Variants in PCDHA12 observed in about 807,000 individuals in gnomAD.
The protein encoded by PCDHA12 is protocadherin alpha 12.
A neutral mutation model predicts 60.0 loss-of-function variants in PCDHA12; 44 were observed. That is an observed-to-expected ratio of 0.73 (90% CI 0.58 to 0.94). The LOEUF is 0.94. Ranked by LOEUF, PCDHA12 falls within the 40% of genes least tolerant of loss-of-function variation. The pLI is 0.00. For synonymous variants in PCDHA12, 569 were observed against 553.0 expected (o/e 1.03, Z -0.40); for missense variants, 1,276 against 1,239.7 (o/e 1.03, Z -0.44).
intron 1 of PCDHA12, among the ~76,000 whole-genome samples, chr5:140,924,127 A>G (rs2081688492): frequency 6.6e-6 from 1 of 152,252 alleles, no homozygotes; most frequent in African/African-American, 2.4e-5. Flanking sequence ...CTTGCTTAGC[A>G]GCATTAATTT....
chr5:140,932,406 T>C (rs1235222855), intron 1 of PCDHA12, among the ~76,000 whole-genome samples: 1 of 151,924 alleles, frequency 6.6e-6, no homozygotes, highest in East Asian at 1.9e-4. Flanking sequence ...CATACCAATG[T>C]TATATTAGTG....
At chr5:141,004,258 A>C (rs1164603441) in intron 3 of PCDHA12, among the ~76,000 whole-genome samples, 1 of 152,232 alleles carries the variant, frequency 6.6e-6, no homozygotes, top group Non-Finnish European at 1.5e-5. Flanking sequence ...TTTTACTGGA[A>C]TGAGTCACAG....
At chr5:140,912,865 A>G (rs1554195582) in intron 1 of PCDHA12, among the ~76,000 whole-genome samples, 1 of 152,138 alleles carries the variant, frequency 6.6e-6, no homozygotes, top group East Asian at 1.9e-4. Flanking sequence ...GAAATGATAT[A>G]TGGTTTTTGG....
chr5:140,886,698 C>T (rs578140955), intron 1 of PCDHA12, among the ~76,000 whole-genome samples: 5 of 151,938 alleles, frequency 3.3e-5, no homozygotes, highest in East Asian at 2.0e-4. Flanking sequence ...TGGTGGCACG[C>T]GCCTGTAATC....
At position 140,993,462 on chromosome 5, in the gene PCDHA12, TCACACACACACACACACACA is replaced by T. The variant is rs3836747; in HGVS notation, c.2515+10927_2515+10946del. ...CATTCCTGTTCTCCTTCTTTCTTTC[TCACACACACACACACACACA>T]CACACACACACACACACACACACAC... On this transcript the variant is annotated intron_variant, in intron 3 of 3. Coordinates refer to ENST00000398631, the MANE Select transcript of PCDHA12 (RefSeq NM_018903.4). Among the ~76,000 whole-genome samples the T allele has an allele frequency of 7.1e-5, 10 of 141,044 alleles. No individual in the cohort carries two copies. In the South Asian group the frequency reaches 9.5e-4, roughly 13 times the overall value. The allele number at this position is 141,044 out of a possible 152,430, so 92.5% of individuals were successfully genotyped here.
chr5:140,926,629 G>C, intron 1 of PCDHA12: 1 of 406,364 alleles, frequency 2.5e-6, no homozygotes, highest in Non-Finnish European at 4.2e-6. Flanking sequence ...GCGGCGCTGC[G>C]CTCCTCAACA....
chr5:140,883,966 G>A, intron 1 of PCDHA12: 1 of 1,613,094 alleles, frequency 6.2e-7, no homozygotes. Flanking sequence ...CGGCGCTGCT[G>A]ACGCCCGGGG....
rs782194896 is a variant in PCDHA12 at position 140,992,662 on chromosome 5, G to A, written c.2515+10099G>A. Among the ~76,000 whole-genome samples, 4 of 152,160 alleles carry A rather than the reference G, an allele frequency of 2.6e-5. 1 individual carries two copies. The highest frequency in any genetic ancestry group is 5.9e-5 in the Non-Finnish European group (4 of 68,028). ...GAAAATAGAAGAAAGAGCCTGATTGGTGTGTATGTGTGTGTTAGGGGTTGA... is the reference window on the plus strand; with the variant it reads ...GAAAATAGAAGAAAGAGCCTGATTGATGTGTATGTGTGTGTTAGGGGTTGA... On this transcript the variant is annotated intron_variant, in intron 3 of 3. Transcript: ENST00000398631.
chr5:140,901,092 T>C (rs1374524038), intron 1 of PCDHA12, among the ~76,000 whole-genome samples: 5 of 152,228 alleles, frequency 3.3e-5, no homozygotes, highest in African/African-American at 1.2e-4. Context: ...TTGAGCTCCT[T>C]CTACATTCTG....
intron 1 of PCDHA12, among the ~76,000 whole-genome samples, chr5:140,890,477 C>T (rs1255992157): frequency 2.0e-5 from 3 of 151,926 alleles, no homozygotes; most frequent in African/African-American, 7.3e-5. Flanking sequence ...ATTTTTTGTG[C>T]GTTATTTTTG....
Position 140,876,899 on chromosome 5 carries a change from C to G in PCDHA12, c.1427C>G (p.Thr476Arg), listed in dbSNP as rs781884794. ...ENNPPGCHIF[T>R]VSAWDADAQK... ...AACCCGCCGGGCTGCCACATCTTCA[C>G]GGTGTCGGCATGGGACGCGGACGCG... is the stretch of plus-strand genomic sequence containing the variant. The change falls in exon 1 of 4, where the codon ACG becomes AGG. Residue 476 changes from threonine (T) to arginine (R), a missense_variant. Thr to Arg is a moderately conservative substitution (Grantham distance 71). Coordinates refer to ENST00000398631, the MANE Select transcript of PCDHA12 (RefSeq NM_018903.4). The G allele has an allele frequency of 6.2e-7, 1 of 1,614,092 alleles. No individual in the cohort carries two copies. Among genetic ancestry groups the G allele is most frequent in the South Asian group, 1.1e-5 (1 of 91,080 alleles).
chr5:140,917,041 A>G (rs891465527), intron 1 of PCDHA12, among the ~76,000 whole-genome samples: 11 of 152,096 alleles, frequency 7.2e-5, no homozygotes, highest in Non-Finnish European at 1.6e-4. Flanking sequence ...AGTCCAGCAC[A>G]GTGTTGTTCC....
At chr5:140,991,409 T>C (rs1554252146) in intron 3 of PCDHA12, among the ~76,000 whole-genome samples, 2 of 152,232 alleles carry the variant, frequency 1.3e-5, no homozygotes, top group Non-Finnish European at 1.5e-5. Flanking sequence ...TTTCCCATTA[T>C]GCTATAACAA....
At chr5:140,884,607 T>C (rs1554181780) in intron 1 of PCDHA12, 1 of 1,614,044 alleles carries the variant, frequency 6.2e-7, no homozygotes, top group Non-Finnish European at 8.5e-7. Flanking sequence ...CCTCCTTGTC[T>C]GGGTTCTGCA....
At chr5:140,882,392 G>C (rs781850899) in intron 1 of PCDHA12, 4 of 1,614,178 alleles carry the variant, frequency 2.5e-6, no homozygotes, top group South Asian at 1.1e-5. Flanking sequence ...AGCAAAACAC[G>C]GCACCTTCGT....
At chr5:140,907,166 A>C (rs2073212277) in intron 1 of PCDHA12, among the ~76,000 whole-genome samples, 2 of 152,174 alleles carry the variant, frequency 1.3e-5, no homozygotes, top group Non-Finnish European at 2.9e-5. Context: ...CATATATTGG[A>C]TGCTGATTCA....
In PCDHA12 at chr5:140,968,789, G is replaced by A. The variant is rs782339889; in HGVS notation, c.2368-10160G>A. 16 of 1,614,060 alleles carry A rather than the reference G, an allele frequency of 9.9e-6. No individual in the cohort carries two copies. In the African/African-American group the frequency reaches 1.7e-4, roughly 18 times the overall value. On this transcript the variant is annotated intron_variant, in intron 1 of 3. Transcript: ENST00000398631. The stretch of plus-strand genomic sequence containing the variant: ...AGAGCCATCACTATCAGCCTCTGTG[G>A]CCATTACAGTAGCTGTGGTGGATAG...
rs370676797 is a variant in PCDHA12, at chr5:141,009,968, A to G, written c.*31A>G. On this transcript the variant is annotated 3_prime_UTR_variant, in exon 4 of 4. Transcript: ENST00000398631. ...TCAAATGGAAACAAGCCACTTAGCC[A>G]GTTTTTGTAATAATGGCAAATCTCT... 1.4e-5 allele frequency: 22 copies of G among 1,586,626 alleles called. No homozygotes were observed. The highest frequency in any genetic ancestry group is 1.6e-5 in the Non-Finnish European group (19 of 1,169,786).
At chr5:140,888,613 A>C (rs782529480) in intron 1 of PCDHA12, among the ~76,000 whole-genome samples, 4 of 152,184 alleles carry the variant, frequency 2.6e-5, no homozygotes, top group Non-Finnish European at 5.9e-5. Flanking sequence ...TTAGTGTAGC[A>C]CTAATTCGGC....
Sources: allele counts gnomAD v4.1 joint callset (sites outside exome capture counted in the v4.1 genomes callset), GRCh38; gene constraint gnomAD v4.1.1; transcripts MANE v1.5; gene names NCBI Gene and HGNC (gene_info 2026-07-23, HGNC 2026-07-21).